The following CNTN4 variants were observed in gnomAD, a reference collection of about 807,000 sequenced individuals.
CNTN4 encodes contactin-4.
A neutral mutation model predicts 122.5 loss-of-function variants in CNTN4; 77 were observed. That is an observed-to-expected ratio of 0.63 (90% CI 0.52 to 0.76). The LOEUF (loss-of-function observed/expected upper bound fraction) is 0.76, where lower values mean the gene tolerates loss of function less well. Ranked by LOEUF, CNTN4 falls within the 30% of genes least tolerant of loss-of-function variation. The probability of loss-of-function intolerance (pLI) is 0.00; values close to 1 mark genes in which losing one functional copy is unlikely to be tolerated. For missense variants in CNTN4, 1,256 were observed against 1,259.1 expected, an observed-to-expected ratio of 1.00 and a Z score of 0.04; for synonymous variants, 512 against 447.0, an observed-to-expected ratio of 1.15 and a Z score of -1.83.
intron 6 of CNTN4, among the ~76,000 whole-genome samples, chr3:2,798,293 GTA>G (rs60471993): frequency 0.68 from 86,457 of 126,310 alleles, 25,721 homozygotes; most frequent in South Asian, 0.8. Context: ...GTGTGTGTGT[GTA>G]TATATATATA....
intron 2 of CNTN4, among the ~76,000 whole-genome samples, chr3:2,305,504 A>G (rs1159634256): frequency 6.6e-6 from 1 of 152,158 alleles, no homozygotes; most frequent in Non-Finnish European, 1.5e-5. Flanking sequence ...AATTTAACTT[A>G]TCCTTTCTTA....
Position 3,043,095 on chromosome 3 carries a change from T to C in CNTN4, c.2630T>C (p.Val877Ala). 1 of 1,614,206 alleles carries C rather than the reference T, an allele frequency of 6.2e-7. No homozygotes were observed. Among genetic ancestry groups the C allele is most frequent in the South Asian group, 1.1e-5 (1 of 91,078 alleles). ...LKGSVLYHLAVKAYNSAGTGP... is the reference protein window; with the variant it reads ...LKGSVLYHLAAKAYNSAGTGP... The stretch of plus-strand genomic sequence containing the variant: ...GGCAGTGTGCTGTATCACTTAGCTG[T>C]CAAGGCATATAATTCTGCTGGGACA... Residue 877 changes from valine (V) to alanine (A), a missense_variant, in exon 22 of 25, where the codon GTC (valine) becomes GCC (alanine). Physicochemically the swap from Val to Ala is moderately conservative, Grantham distance 64. Transcript: ENST00000418658.
At chr3:2,523,153 G>A (rs1174426215) in intron 3 of CNTN4, among the ~76,000 whole-genome samples, 4 of 151,976 alleles carry the variant, frequency 2.6e-5, no homozygotes, top group Non-Finnish European at 4.4e-5. Context: ...AAACAGACCT[G>A]TTCTATATGG....
intron 2 of CNTN4, among the ~76,000 whole-genome samples, chr3:2,314,134 A>G (rs1489084960): frequency 6.6e-6 from 1 of 152,026 alleles, no homozygotes; most frequent in Non-Finnish European, 1.5e-5. Flanking sequence ...ATATGAATTG[A>G]CTTAACAAGA....
At chr3:2,986,925 G>A (rs1266371896) in intron 13 of CNTN4, among the ~76,000 whole-genome samples, 1 of 152,138 alleles carries the variant, frequency 6.6e-6, no homozygotes, top group Non-Finnish European at 1.5e-5. Context: ...AGACAACTAA[G>A]AAGCAAACAA....
chr3:2,831,897 A>G (rs1176503243), intron 7 of CNTN4, among the ~76,000 whole-genome samples: 2 of 152,212 alleles, frequency 1.3e-5, no homozygotes, highest in Non-Finnish European at 2.9e-5. Context: ...AGTTCTTATC[A>G]TTTCACGCAA....
chr3:2,300,641 G>A (rs142413154), intron 2 of CNTN4, among the ~76,000 whole-genome samples: 38 of 135,994 alleles, frequency 2.8e-4, no homozygotes, highest in Non-Finnish European at 4.6e-4. Flanking sequence ...GCACAGTCTC[G>A]GCTCACTGCA....
At chr3:2,687,317 C>A (rs115246688) in intron 4 of CNTN4, among the ~76,000 whole-genome samples, 1,642 of 12,256 alleles carry the variant, frequency 0.13, 29 homozygotes, top group African/African-American at 0.3. Flanking sequence ...TCAGCAACTT[C>A]ACCCATTTAC....
intron 4 of CNTN4, 32 bp downstream of exon 4, chr3:2,571,590 G>T: frequency 6.6e-7 from 1 of 1,511,860 alleles, no homozygotes; most frequent in Non-Finnish European, 9.2e-7. Flanking sequence ...TTTTGATTTA[G>T]AAATGCCACT....
rs1276935045 is a variant in CNTN4, at chr3:2,709,486, C to T, written c.56-26729C>T. Among the ~76,000 whole-genome samples, 5 of 152,096 alleles carry T rather than the reference C, an allele frequency of 3.3e-5. No individual in the cohort carries two copies. The highest frequency in any genetic ancestry group is 4.4e-5 in the Non-Finnish European group (3 of 68,018). ...ATGGGAACTACTGAAACCTAATCCC[C>T]GCAATTACAGGGTTTTATATCGTTT... On this transcript the variant is annotated intron_variant, in intron 4 of 24. Coordinates refer to ENST00000418658, the MANE Select transcript of CNTN4 (RefSeq NM_175607.3). The surrounding 1 kb of genome is among the most constrained non-coding windows in gnomAD (Gnocchi z 5.0).
chr3:2,625,078 A>G (rs1374034222), intron 4 of CNTN4, among the ~76,000 whole-genome samples: 1 of 152,232 alleles, frequency 6.6e-6, no homozygotes, highest in Non-Finnish European at 1.5e-5. Flanking sequence ...AATGCAATAA[A>G]GAGAACTTAA....
chr3:2,863,487 G>T, intron 7 of CNTN4, among the ~76,000 whole-genome samples: 1 of 110,986 alleles, frequency 9.0e-6, no homozygotes. Context: ...TGGTTACGCT[G>T]TTATATTGTT....
At chr3:2,466,971 T>TTTC (rs1491435494) in intron 3 of CNTN4, among the ~76,000 whole-genome samples, 171 of 49,518 alleles carry the variant, frequency 3.5e-3, no homozygotes, top group Middle Eastern at 0.011. Context: ...TCTTTCTTTC[T>TTTC]TTTTTTTTTT....
At chr3:2,405,467 G>C (rs74546641) in intron 3 of CNTN4, among the ~76,000 whole-genome samples, 5,362 of 152,180 alleles carry the variant, frequency 0.035, 255 homozygotes, top group African/African-American at 0.1. Flanking sequence ...AAAGGACATA[G>C]GCACTGACAT....
At chr3:2,467,199 T>C (rs1415474408) in intron 3 of CNTN4, among the ~76,000 whole-genome samples, 1 of 147,452 alleles carries the variant, frequency 6.8e-6, no homozygotes, top group African/African-American at 2.5e-5. Context: ...TACCCAAGGG[T>C]ATGAATATTG....
At chr3:2,664,115 G>A (rs1019740397) in intron 4 of CNTN4, among the ~76,000 whole-genome samples, 12 of 152,124 alleles carry the variant, frequency 7.9e-5, no homozygotes, top group Non-Finnish European at 1.3e-4. Context: ...CTTTGTGAAT[G>A]TACTTAAAAC....
At chr3:2,528,175 A>G (rs1575860201) in intron 3 of CNTN4, among the ~76,000 whole-genome samples, 2 of 152,290 alleles carry the variant, frequency 1.3e-5, no homozygotes, top group African/African-American at 2.4e-5. Context: ...TTATTAATAT[A>G]TCAAATCCAA....
chr3:2,258,801 A>G (rs1033675767), intron 2 of CNTN4, among the ~76,000 whole-genome samples: 2 of 151,842 alleles, frequency 1.3e-5, no homozygotes, highest in Non-Finnish European at 2.9e-5. Flanking sequence ...TATTTGTATT[A>G]TTTATATATT....
intron 6 of CNTN4, among the ~76,000 whole-genome samples, chr3:2,760,818 A>G (rs1186773106): frequency 6.6e-6 from 1 of 152,158 alleles, no homozygotes; most frequent in Non-Finnish European, 1.5e-5. Flanking sequence ...GTTTCCCCAA[A>G]TTTGAGGTAG....
Sources: allele counts gnomAD v4.1 joint callset (sites outside exome capture counted in the v4.1 genomes callset), GRCh38; gene constraint gnomAD v4.1.1; non-coding constraint Gnocchi (gnomAD v3.1); transcripts MANE v1.5; gene names NCBI Gene and HGNC (gene_info 2026-07-23, HGNC 2026-07-21).